RXYLT1: variants seen among roughly 807,000 people sequenced by gnomAD.
The protein encoded by RXYLT1 is ribitol xylosyltransferase 1.
In RXYLT1, 41 loss-of-function variants were observed where a neutral mutation model predicts 43.5. The ratio of observed to expected loss-of-function variants is 0.94; its 90% confidence interval spans 0.73 to 1.22. The LOEUF (loss-of-function observed/expected upper bound fraction) is 1.22, where lower values mean the gene tolerates loss of function less well. Ranked by LOEUF, RXYLT1 falls within the 50% of genes most tolerant of loss-of-function variation. The probability of loss-of-function intolerance (pLI) is 0.00; values close to 1 mark genes in which losing one functional copy is unlikely to be tolerated. For synonymous variants in RXYLT1, 166 were observed against 194.4 expected (o/e 0.85, Z 1.21); for missense variants, 514 against 532.0 (o/e 0.97, Z 0.33).
intron 3 of RXYLT1, among the ~76,000 whole-genome samples, chr12:63,797,013 G>C (rs566765897): frequency 6.8e-6 from 1 of 147,174 alleles, no homozygotes; most frequent in African/African-American, 2.5e-5. Flanking sequence ...ATCCAGGCTG[G>C]AGAGCAGTGG....
intron 3 of RXYLT1, among the ~76,000 whole-genome samples, chr12:63,800,035 T>C (rs912535405): frequency 1.3e-5 from 2 of 152,204 alleles, no homozygotes; most frequent in Non-Finnish European, 2.9e-5. Context: ...CTGTATGTTA[T>C]ATAATTTTAG....
In RXYLT1 at chr12:63,799,137, C is replaced by G. The variant is rs553207344; in HGVS notation, c.429-2954C>G. On this transcript the variant is annotated intron_variant, in intron 3 of 5. Transcript: ENST00000261234. ...GAGTTGTGGACATCCAAGACCAAGA[C>G]AGTATAAATGTGCCCTTGAATGAAT... is the stretch of plus-strand genomic sequence containing the variant. Among the ~76,000 whole-genome samples, 46 of 152,240 alleles carry G rather than the reference C, an allele frequency of 3.0e-4. No homozygotes were observed. In the South Asian group the frequency reaches 8.9e-3, roughly 30 times the overall value.
At chr12:63,783,914 T>C (rs1897743662) in intron 2 of RXYLT1, among the ~76,000 whole-genome samples, 1 of 152,164 alleles carries the variant, frequency 6.6e-6, no homozygotes, top group Admixed American at 6.5e-5. Flanking sequence ...TTCTAGCGGC[T>C]ACCCGTATTC....
chr12:63,794,260 C>T (rs1897980590), intron 3 of RXYLT1, among the ~76,000 whole-genome samples: 1 of 152,100 alleles, frequency 6.6e-6, no homozygotes, highest in African/African-American at 2.4e-5. Context: ...GTAGGACACT[C>T]AGATCTCTAT....
chr12:63,791,560 A>G (rs1897919956), intron 3 of RXYLT1, among the ~76,000 whole-genome samples: 2 of 152,232 alleles, frequency 1.3e-5, no homozygotes, highest in African/African-American at 4.8e-5. Context: ...AGATAACGTT[A>G]ATGGTTACTG....
rs1898168886 is a variant in RXYLT1, at chr12:63,801,976, T to C, written c.429-115T>C. On this transcript the variant is annotated intron_variant, in intron 3 of 5. Transcript: ENST00000261234. ...GTATTATAGAAATTTTACTTCTAGA[T>C]AGAATGTGGATTAAATCTCATTGTA... The C allele has an allele frequency of 1.9e-5, 19 of 985,568 alleles. No homozygotes were observed. The South Asian group carries it at 3.4e-4, about 18-fold the overall frequency. 61.1% of individuals were successfully genotyped at this position (985,568 alleles called of 1,614,324 possible). A position where few individuals can be genotyped will look rare whatever the true frequency, so the allele number is the denominator to read the frequency against.
In RXYLT1 at chr12:63,780,123, G is replaced by T; in HGVS notation, c.163G>T (p.Gly55Cys). 6.6e-7 allele frequency: 1 copy of T among 1,516,552 alleles called. No homozygotes were observed. The highest frequency in any genetic ancestry group is 8.8e-7 in the Non-Finnish European group (1 of 1,139,340). The allele number at this position is 1,516,552 out of a possible 1,614,324, so 93.9% of individuals were successfully genotyped here. A position where few individuals can be genotyped will look rare whatever the true frequency, so the allele number is the denominator to read the frequency against. The change falls in exon 1 of 6, where the codon GGC (glycine) becomes TGC (cysteine). Residue 55 changes from glycine (G) to cysteine (C), a missense_variant. Physicochemically the swap from Gly to Cys is radical, Grantham distance 159. Transcript: ENST00000261234. ...GGCGGCCCCCGCGCGGGAGAGACGC[G>T]GCCGAGGTAGGACTGGGTCGGCGGC... The part of the protein sequence containing the change: ...KGAAPARERR[G>C]REQSTLESEE...
chr12:63,795,975 C>T (rs1350830733), intron 3 of RXYLT1, among the ~76,000 whole-genome samples: 2 of 152,026 alleles, frequency 1.3e-5, no homozygotes, highest in African/African-American at 2.4e-5. Flanking sequence ...ACATAATTAC[C>T]GTATAATTAT....
intron 3 of RXYLT1, among the ~76,000 whole-genome samples, chr12:63,796,704 A>T (rs138781276): frequency 6.6e-6 from 1 of 152,320 alleles, no homozygotes; most frequent in South Asian, 2.1e-4. Context: ...TGGAACAAAG[A>T]ATTAAATTGT....
At chr12:63,802,864 G>T (rs570287847) in intron 4 of RXYLT1, among the ~76,000 whole-genome samples, 7 of 151,944 alleles carry the variant, frequency 4.6e-5, no homozygotes, top group Admixed American at 3.3e-4. Flanking sequence ...GATAGCTAAG[G>T]TTTCTCAAGA....
intron 3 of RXYLT1, among the ~76,000 whole-genome samples, chr12:63,794,801 A>C (rs1417443123): frequency 6.6e-6 from 1 of 152,122 alleles, no homozygotes; most frequent in Non-Finnish European, 1.5e-5. Context: ...CATTTAAAAA[A>C]AAAATTAAAA....
At chr12:63,803,780 C>G (rs7315060) in intron 4 of RXYLT1, 1 of 150,688 alleles carries the variant, frequency 6.6e-6, no homozygotes, top group African/African-American at 2.4e-5. Flanking sequence ...CAGTATATTT[C>G]TTATATAGGT....
chr12:63,780,897 G>T (rs1187245115), intron 1 of RXYLT1, 122 bp from the exon 2 acceptor site: 1 of 858,740 alleles, frequency 1.2e-6, no homozygotes, highest in Non-Finnish European at 1.6e-6. Flanking sequence ...AAATTCAGTT[G>T]CTGTACCTCT....
chr12:63,780,137 T>G lies in RXYLT1; in HGVS notation c.169+8T>G, dbSNP rs1592837383. On this transcript the variant is annotated splice_region_variant and intron_variant, in intron 1 of 5. Coordinates refer to ENST00000261234, the MANE Select transcript of RXYLT1 (RefSeq NM_014254.3). ...GGGAGAGACGCGGCCGAGGTAGGAC[T>G]GGGTCGGCGGCTTCCTTCCGGCTCT... The G allele has an allele frequency of 2.0e-6, 3 of 1,474,246 alleles. No homozygotes were observed. Among genetic ancestry groups the G allele is most frequent in the Middle Eastern group, 3.7e-4 (2 of 5,468 alleles). 91.3% of individuals were successfully genotyped at this position (1,474,246 alleles called of 1,614,324 possible).
chr12:63,798,570 T>C (rs1225806902), intron 3 of RXYLT1, among the ~76,000 whole-genome samples: 1 of 152,224 alleles, frequency 6.6e-6, no homozygotes, highest in African/African-American at 2.4e-5. Context: ...TCACCAAATA[T>C]TTTAAATATT....
intron 2 of RXYLT1, among the ~76,000 whole-genome samples, chr12:63,782,875 A>G (rs1236092314): frequency 6.6e-6 from 1 of 152,178 alleles, no homozygotes; most frequent in African/African-American, 2.4e-5. Context: ...TGCAATCTTA[A>G]TGGTCCGAGA....
intron 3 of RXYLT1, among the ~76,000 whole-genome samples, chr12:63,800,034 A>G (rs994069443): frequency 6.6e-6 from 1 of 152,206 alleles, no homozygotes; most frequent in Non-Finnish European, 1.5e-5. Context: ...CCTGTATGTT[A>G]TATAATTTTA....
chr12:63,793,287 CTTGA>C (rs1897957683), intron 3 of RXYLT1, among the ~76,000 whole-genome samples: 3 of 152,020 alleles, frequency 2.0e-5, no homozygotes, highest in Admixed American at 2.0e-4. Context: ...GTGCCCAATT[CTTGA>C]TTATCTTTTA....
At chr12:63,783,519 C>T (rs1296552058) in intron 2 of RXYLT1, among the ~76,000 whole-genome samples, 1 of 152,076 alleles carries the variant, frequency 6.6e-6, no homozygotes, top group Non-Finnish European at 1.5e-5. Flanking sequence ...TTTAGATATC[C>T]TCTAAGACAA....
Sources: gnomAD v4.1 joint callset for allele counts (sites outside exome capture counted in the v4.1 genomes callset) on GRCh38, gnomAD v4.1.1 for gene constraint, MANE v1.5 for transcripts, NCBI Gene and HGNC (gene_info 2026-07-23, HGNC 2026-07-21) for gene names.